Variants in DENND1A observed in about 807,000 individuals in gnomAD.
DENND1A encodes the protein DENN domain containing 1A.
DENND1A carries 51 observed loss-of-function variants against 113.7 expected under a neutral mutation model. That is an observed-to-expected ratio of 0.45 (90% CI 0.36 to 0.57). DENND1A has a LOEUF of 0.57. DENND1A is among the 20% of genes least tolerant of loss of function. DENND1A has a pLI of 0.00. For synonymous variants in DENND1A, 565 were observed against 570.8 expected (o/e 0.99, Z 0.14); for missense variants, 1,258 against 1,395.9 (o/e 0.90, Z 1.57).
At chr9:123,874,045 C>T (rs188176269) in intron 2 of DENND1A, among the ~76,000 whole-genome samples, 14 of 152,200 alleles carry the variant, frequency 9.2e-5, no homozygotes, top group Admixed American at 5.9e-4. Context: ...CCGGCCCTAT[C>T]TATCCCTTAA....
chr9:123,909,045 G>T (rs949644731), intron 1 of DENND1A, among the ~76,000 whole-genome samples: 2 of 152,174 alleles, frequency 1.3e-5, no homozygotes, highest in South Asian at 2.1e-4. Flanking sequence ...CATGTCCTTT[G>T]TAGGGACATG....
In DENND1A at chr9:123,667,092, A is replaced by C. The variant is rs760406411; in HGVS notation, c.454-13T>G. 14 of 1,595,346 alleles carry C rather than the reference A, an allele frequency of 8.8e-6. No individual in the cohort carries two copies. Among genetic ancestry groups the C allele is most frequent in the South Asian group, 2.3e-5 (2 of 86,764 alleles). On this transcript the variant is annotated splice_polypyrimidine_tract_variant and intron_variant, in intron 7 of 23. Transcript: ENST00000394215. ...TAAAATAAGAATGCTAGAAAAGAAA[A>C]GCAAAAGTGATTTATTTCTGCTAAA...
chr9:123,409,809 T>C (rs1381042050), intron 20 of DENND1A, among the ~76,000 whole-genome samples: 1 of 152,124 alleles, frequency 6.6e-6, no homozygotes, highest in Non-Finnish European at 1.5e-5. Flanking sequence ...TAAGAACCGT[T>C]GGCCGGGTGC....
At chr9:123,402,828 C>T (rs2043602108) in intron 21 of DENND1A, among the ~76,000 whole-genome samples, 2 of 152,220 alleles carry the variant, frequency 1.3e-5, no homozygotes, top group African/African-American at 4.8e-5. Context: ...TTCATCTACC[C>T]CACGCCTCCT....
intron 20 of DENND1A, 127 bp downstream of exon 20, chr9:123,411,649 C>T (rs1218376392): frequency 5.7e-6 from 3 of 526,118 alleles, no homozygotes; most frequent in Non-Finnish European, 7.3e-6. Context: ...GAGAGGGAAG[C>T]TGAAAAACCC....
At chr9:123,661,864 A>G (rs1481537963) in intron 8 of DENND1A, among the ~76,000 whole-genome samples, 1 of 152,234 alleles carries the variant, frequency 6.6e-6, no homozygotes, top group Non-Finnish European at 1.5e-5. Context: ...AAAGAGAGAG[A>G]TGGAAAATAG....
chr9:123,850,736 T>C (rs1227003803), intron 2 of DENND1A, among the ~76,000 whole-genome samples: 2 of 152,192 alleles, frequency 1.3e-5, no homozygotes, highest in African/African-American at 4.8e-5. Context: ...CATAGGGTTT[T>C]TGTGATGATT....
chr9:123,738,136 G>A (rs1001828617), intron 5 of DENND1A, among the ~76,000 whole-genome samples: 2 of 152,126 alleles, frequency 1.3e-5, no homozygotes, highest in Admixed American at 6.6e-5. Flanking sequence ...TAAGATAATA[G>A]CTAAAATGAA....
chr9:123,919,970 T>C (rs1385625397), intron 1 of DENND1A, among the ~76,000 whole-genome samples: 1 of 151,558 alleles, frequency 6.6e-6, no homozygotes, highest in African/African-American at 2.4e-5. Context: ...GGGAGGGAGT[T>C]ACAGTCAGTT....
chr9:123,550,950 T>C (rs565204109), intron 13 of DENND1A, among the ~76,000 whole-genome samples: 1 of 152,252 alleles, frequency 6.6e-6, no homozygotes, highest in Admixed American at 6.5e-5. Flanking sequence ...TAACACACAC[T>C]GCTACTCCCA....
chr9:123,677,739 G>C (rs1007023508), intron 5 of DENND1A, among the ~76,000 whole-genome samples: 1 of 152,164 alleles, frequency 6.6e-6, no homozygotes, highest in East Asian at 1.9e-4. Flanking sequence ...ACGGCTCTTA[G>C]AATGGTTTTT....
chr9:123,668,370 T>C (rs535805967), intron 7 of DENND1A, among the ~76,000 whole-genome samples: 1 of 152,354 alleles, frequency 6.6e-6, no homozygotes, highest in African/African-American at 2.4e-5. Flanking sequence ...ACAACAATAA[T>C]AGTATAAGGT....
At position 123,382,039 on chromosome 9, in the gene DENND1A, G is replaced by A; in HGVS notation, c.2606C>T (p.Ala869Val). ...GCTGAATTGGGGGGTGAATGGGGTG[G>A]CTACATTCGGGGTGGCGGGGCGTGA... The part of the protein sequence containing the change: ...LPSRPATPNV[A>V]TPFTPQFSFP... Residue 869 changes from alanine (A) to valine (V), a missense_variant, in exon 24 of 24, where the codon GCC becomes GTC. This residue lies in a region of DENND1A where 1,159 missense variants were observed against 1,231.7 expected (regional missense o/e 0.94). Transcript: ENST00000394215. 6.9e-7 allele frequency: 1 copy of A among 1,459,762 alleles called. No individual in the cohort carries two copies. Among genetic ancestry groups the A allele is most frequent in the South Asian group, 1.4e-5 (1 of 70,502 alleles). 90.4% of individuals were successfully genotyped at this position (1,459,762 alleles called of 1,614,324 possible). A position where few individuals can be genotyped will look rare whatever the true frequency, so the allele number is the denominator to read the frequency against.
At chr9:123,809,094 C>T (rs1353687950) in intron 2 of DENND1A, among the ~76,000 whole-genome samples, 3 of 152,186 alleles carry the variant, frequency 2.0e-5, no homozygotes, top group Non-Finnish European at 4.4e-5. Context: ...ACAGGAGGAA[C>T]CCATTTTTCT....
intron 5 of DENND1A, among the ~76,000 whole-genome samples, chr9:123,701,271 C>T (rs2065868636): frequency 1.3e-5 from 2 of 152,164 alleles, no homozygotes; most frequent in African/African-American, 4.8e-5. Flanking sequence ...AAAATACCCT[C>T]ACAAGAGCTA....
chr9:123,839,847 C>A (rs943512148), intron 2 of DENND1A, among the ~76,000 whole-genome samples: 1 of 152,064 alleles, frequency 6.6e-6, no homozygotes, highest in Non-Finnish European at 1.5e-5. Context: ...GAGCATCTAC[C>A]ACCTATGAAT....
At chr9:123,666,790 A>G (rs1352664123) in intron 8 of DENND1A, among the ~76,000 whole-genome samples, 4 of 152,222 alleles carry the variant, frequency 2.6e-5, no homozygotes, top group Non-Finnish European at 5.9e-5. Context: ...CCTTTGAGAA[A>G]AAGGAATAAA....
intron 6 of DENND1A, among the ~76,000 whole-genome samples, chr9:123,673,889 T>C (rs1034797202): frequency 6.6e-6 from 1 of 152,118 alleles, no homozygotes; most frequent in Non-Finnish European, 1.5e-5. Flanking sequence ...CACTCTTCTA[T>C]TGCCATCCCT....
chr9:123,621,473 C>T (rs1179832599), intron 10 of DENND1A, among the ~76,000 whole-genome samples: 1 of 152,134 alleles, frequency 6.6e-6, no homozygotes, highest in East Asian at 1.9e-4. Context: ...GTGTGAGCCA[C>T]CATACCTGGC....
Sources: gnomAD v4.1 joint callset for allele counts (sites outside exome capture counted in the v4.1 genomes callset) on GRCh38, gnomAD v4.1.1 for gene constraint, gnomAD v4.1.1 regional missense constraint, MANE v1.5 for transcripts, NCBI Gene and HGNC (gene_info 2026-07-23, HGNC 2026-07-21) for gene names.